The following SLC39A9 variants were observed in gnomAD, a reference collection of about 807,000 sequenced individuals.
The protein encoded by SLC39A9 is solute carrier family 39 member 9, also known as zinc transporter ZIP9.
In SLC39A9, 14 loss-of-function variants were observed where a neutral mutation model predicts 28.4. The ratio of observed to expected loss-of-function variants is 0.49; its 90% CI spans 0.33 to 0.77. SLC39A9 has a LOEUF of 0.77. SLC39A9 is among the 30% of genes least tolerant of loss of function. The probability of loss-of-function intolerance (pLI) is 0.02; values close to 1 mark genes in which losing one functional copy is unlikely to be tolerated. For missense variants in SLC39A9, 283 were observed against 381.1 expected (o/e 0.74, Z 2.14); for synonymous variants, 119 against 149.6 (o/e 0.80, Z 1.49).
intron 1 of SLC39A9, among the ~76,000 whole-genome samples, chr14:69,402,390 T>C (rs1263322507): frequency 6.6e-6 from 1 of 152,208 alleles, no homozygotes; most frequent in Non-Finnish European, 1.5e-5. Context: ...GTTTTTAATC[T>C]TGCTGCTGCT....
chr14:69,453,517 T>C (rs1885713264), intron 4 of SLC39A9, among the ~76,000 whole-genome samples: 1 of 151,066 alleles, frequency 6.6e-6, no homozygotes, highest in East Asian at 1.9e-4. Context: ...TACTTTTTAA[T>C]GGTTTAAAAA....
intron 3 of SLC39A9, among the ~76,000 whole-genome samples, chr14:69,445,159 T>A (rs1213219743): frequency 3.9e-5 from 6 of 151,958 alleles, no homozygotes; most frequent in Non-Finnish European, 8.8e-5. Context: ...ACAATATGAG[T>A]TTGAACTGTG....
At chr14:69,424,942 T>C (rs1434087217) in intron 2 of SLC39A9, among the ~76,000 whole-genome samples, 2 of 152,196 alleles carry the variant, frequency 1.3e-5, no homozygotes, top group African/African-American at 4.8e-5. Flanking sequence ...TCTTACTAGA[T>C]ACAATATAAT....
intron 2 of SLC39A9, among the ~76,000 whole-genome samples, chr14:69,439,000 G>A (rs1253313424): frequency 6.6e-6 from 1 of 152,144 alleles, no homozygotes; most frequent in Non-Finnish European, 1.5e-5. Context: ...AGTTGTCTCT[G>A]TTTTCAGGTG....
At chr14:69,427,986 A>G (rs1162940706) in intron 2 of SLC39A9, among the ~76,000 whole-genome samples, 2 of 152,216 alleles carry the variant, frequency 1.3e-5, no homozygotes, top group Admixed American at 1.3e-4. Flanking sequence ...ATGGTTTACA[A>G]AAAGTTTATG....
intron 1 of SLC39A9, among the ~76,000 whole-genome samples, chr14:69,403,992 A>G (rs757199940): frequency 6.6e-6 from 1 of 152,256 alleles, no homozygotes; most frequent in East Asian, 1.9e-4. Flanking sequence ...GCAGTGAACC[A>G]ACATTGCGCC....
Position 69,399,324 on chromosome 14 carries a change from TG to T in SLC39A9, c.-44del, listed in dbSNP as rs1347803397. ...GAACCTAAGCACCATTTAAAGCCACTGGAAATTTGTTGTCTAGTGGTTGTGG... is the reference window on the plus strand; with the variant it reads ...GAACCTAAGCACCATTTAAAGCCACTGAAATTTGTTGTCTAGTGGTTGTGG... On this transcript the variant is annotated 5_prime_UTR_variant, in exon 1 of 7. Transcript: ENST00000336643. 35 of 1,563,794 alleles carry T rather than the reference TG, an allele frequency of 2.2e-5. No homozygotes were observed. The highest frequency in any genetic ancestry group is 3.1e-5 in the Non-Finnish European group (35 of 1,137,024).
At chr14:69,413,338 A>G (rs1434212704) in intron 1 of SLC39A9, among the ~76,000 whole-genome samples, 1 of 152,232 alleles carries the variant, frequency 6.6e-6, no homozygotes, top group East Asian at 1.9e-4. Context: ...CCTGGGCAAC[A>G]GAGCGAGACT....
At chr14:69,428,499 A>AT in intron 2 of SLC39A9, 1 of 152,748 alleles carries the variant, frequency 6.5e-6, no homozygotes, top group African/African-American at 2.4e-5. Context: ...AGCCCTCTAA[A>AT]TTGGTTCAGC....
At chr14:69,430,150 C>A (rs1739112116) in intron 2 of SLC39A9, among the ~76,000 whole-genome samples, 1 of 152,166 alleles carries the variant, frequency 6.6e-6, no homozygotes, top group Non-Finnish European at 1.5e-5. Context: ...CATGGCTTAT[C>A]TTTTCATTCT....
chr14:69,440,078 G>A (rs767592710), intron 2 of SLC39A9, among the ~76,000 whole-genome samples: 3 of 152,116 alleles, frequency 2.0e-5, no homozygotes, highest in East Asian at 1.9e-4. Context: ...TCACAAGGCC[G>A]CGGGAAGGAG....
chr14:69,441,732 G>A (rs1885058503), intron 2 of SLC39A9: 1 of 929,608 alleles, frequency 1.1e-6, no homozygotes, highest in Non-Finnish European at 1.3e-6. Context: ...ATTTTCTGGT[G>A]AGATTGGCAT....
At chr14:69,404,917 A>G (rs1250544299) in intron 1 of SLC39A9, among the ~76,000 whole-genome samples, 1 of 152,206 alleles carries the variant, frequency 6.6e-6, no homozygotes, top group East Asian at 1.9e-4. Flanking sequence ...TTATAAACGA[A>G]AGAGGTTTGA....
At chr14:69,441,940 T>C in intron 2 of SLC39A9, 129 bp from the exon 3 acceptor site, 1 of 1,431,612 alleles carries the variant, frequency 7.0e-7, no homozygotes, top group Non-Finnish European at 9.1e-7. Context: ...TTGGCTGGAT[T>C]ACAATATAAA....
intron 6 of SLC39A9, 40 bp downstream of exon 6, chr14:69,455,906 G>A (rs1885834843): frequency 6.3e-7 from 1 of 1,595,500 alleles, no homozygotes; most frequent in Non-Finnish European, 8.6e-7. Context: ...CCAGTGTCTT[G>A]TGATCTCTTA....
At chr14:69,424,276 G>A in intron 2 of SLC39A9, 74 bp downstream of exon 2, 1 of 1,088,948 alleles carries the variant, frequency 9.2e-7, no homozygotes, top group Non-Finnish European at 1.4e-6. Context: ...TTAGTGGTAT[G>A]TTTTCTGAGC....
intron 3 of SLC39A9, among the ~76,000 whole-genome samples, chr14:69,445,200 A>G (rs1016282938): frequency 2.0e-5 from 3 of 152,136 alleles, no homozygotes; most frequent in Admixed American, 6.6e-5. Context: ...TTTTCTTTCA[A>G]TAAAAGTTAC....
At chr14:69,450,197 A>G (rs1885539033) in intron 3 of SLC39A9, among the ~76,000 whole-genome samples, 1 of 151,956 alleles carries the variant, frequency 6.6e-6, no homozygotes, top group Admixed American at 6.6e-5. Flanking sequence ...TCAAAATAAA[A>G]AAAAAAGGAA....
intron 1 of SLC39A9, among the ~76,000 whole-genome samples, chr14:69,411,851 C>T (rs370317753): frequency 4.0e-5 from 6 of 148,984 alleles, no homozygotes; most frequent in Middle Eastern, 3.2e-3. Context: ...GGCGGGATCT[C>T]GGCTCACTGC....
Sources: gnomAD v4.1 joint callset for allele counts (sites outside exome capture counted in the v4.1 genomes callset) on GRCh38, gnomAD v4.1.1 for gene constraint, MANE v1.5 for transcripts, NCBI Gene and HGNC (gene_info 2026-07-23, HGNC 2026-07-21) for gene names.